RBFOX1: variants seen among roughly 807,000 people sequenced by gnomAD.
The protein encoded by RBFOX1 is RNA binding protein fox-1 homolog 1.
A neutral mutation model predicts 57.7 loss-of-function variants in RBFOX1; 8 were observed. That is an observed-to-expected ratio of 0.14 (90% confidence interval 0.08 to 0.25). The LOEUF is 0.25. Ranked by LOEUF, RBFOX1 falls within the 10% of genes least tolerant of loss-of-function variation. The pLI, the probability that RBFOX1 is intolerant of heterozygous loss-of-function variation, is 1.00. For missense variants in RBFOX1, 611 were observed against 548.5 expected, an observed-to-expected ratio of 1.11 and a Z score of -1.14; for synonymous variants, 326 against 222.4, an observed-to-expected ratio of 1.47 and a Z score of -4.15.
intron 3 of RBFOX1, among the ~76,000 whole-genome samples, chr16:6,738,136 G>C (rs182331483): frequency 1.6e-4 from 24 of 151,114 alleles, no homozygotes; most frequent in African/African-American, 4.1e-4. Flanking sequence ...ATAGGGACCA[G>C]ATGTAACCTC....
chr16:6,456,598 G>A (rs542368351), intron 2 of RBFOX1, among the ~76,000 whole-genome samples: 1 of 152,302 alleles, frequency 6.6e-6, no homozygotes, highest in East Asian at 1.9e-4. Flanking sequence ...TTTCTATTTA[G>A]AAAGATAACT....
At chr16:7,276,104 G>C (rs2095435033) in intron 4 of RBFOX1, among the ~76,000 whole-genome samples, 1 of 152,220 alleles carries the variant, frequency 6.6e-6, no homozygotes, top group African/African-American at 2.4e-5. Context: ...ATGGAAACCA[G>C]ACAAATCAGG....
chr16:7,334,705 G>A (rs779047654), intron 4 of RBFOX1, among the ~76,000 whole-genome samples: 9 of 152,132 alleles, frequency 5.9e-5, no homozygotes, highest in African/African-American at 1.7e-4. Flanking sequence ...CTGTCATTAC[G>A]AAATGCCACT....
intron 3 of RBFOX1, among the ~76,000 whole-genome samples, chr16:6,869,072 C>G (rs992310643): frequency 2.6e-5 from 4 of 152,316 alleles, no homozygotes; most frequent in Non-Finnish European, 4.4e-5. Context: ...ACTTCCATTG[C>G]TATAAGCCAC....
At chr16:5,430,528 G>A (rs1436989735) in intron 1 of RBFOX1, among the ~76,000 whole-genome samples, 3 of 152,264 alleles carry the variant, frequency 2.0e-5, no homozygotes, top group Admixed American at 6.5e-5. Context: ...AACGGAAGGA[G>A]CATCTTGCGG....
intron 4 of RBFOX1, among the ~76,000 whole-genome samples, chr16:7,374,799 GC>G (rs2097653377): frequency 6.6e-6 from 1 of 152,098 alleles, no homozygotes; most frequent in Non-Finnish European, 1.5e-5. Context: ...TAGAGTTACC[GC>G]CATGAGGTTT....
intron 2 of RBFOX1, among the ~76,000 whole-genome samples, chr16:5,523,011 G>C (rs907490315): frequency 1.3e-5 from 2 of 152,150 alleles, no homozygotes; most frequent in Non-Finnish European, 2.9e-5. Flanking sequence ...GTGGGGGCTG[G>C]GCATTGTTAC....
intron 2 of RBFOX1, among the ~76,000 whole-genome samples, chr16:6,320,890 T>G (rs1031167098): frequency 1.3e-5 from 2 of 152,038 alleles, no homozygotes; most frequent in Non-Finnish European, 2.9e-5. Context: ...ACCTCCTGGG[T>G]TCAAGCGATT....
chr16:6,676,906 C>G (rs1017724986), intron 3 of RBFOX1, among the ~76,000 whole-genome samples: 3 of 151,924 alleles, frequency 2.0e-5, no homozygotes, highest in African/African-American at 4.8e-5. Flanking sequence ...GAACCCTTGA[C>G]CTCAGGTGAT....
intron 3 of RBFOX1, among the ~76,000 whole-genome samples, chr16:5,835,630 A>T (rs1217930488): frequency 1.3e-5 from 2 of 152,144 alleles, no homozygotes; most frequent in African/African-American, 4.8e-5. Context: ...TTTCTGCAGG[A>T]TTCTGAAGCA....
At chr16:6,450,779 A>ACACATATATATATG (rs1410405257) in intron 2 of RBFOX1, among the ~76,000 whole-genome samples, 1 of 59,640 alleles carries the variant, frequency 1.7e-5, no homozygotes, top group Non-Finnish European at 2.9e-5. Context: ...ATATATATAT[A>ACACATATATATATG]TATATATATA....
intron 2 of RBFOX1, among the ~76,000 whole-genome samples, chr16:6,360,676 G>C (rs1181499131): frequency 6.6e-6 from 1 of 152,130 alleles, no homozygotes; most frequent in Non-Finnish European, 1.5e-5. Flanking sequence ...AGAATTATCT[G>C]AAATAATCAT....
intron 2 of RBFOX1, among the ~76,000 whole-genome samples, chr16:6,397,114 G>A (rs1309382163): frequency 6.6e-6 from 1 of 152,088 alleles, no homozygotes; most frequent in African/African-American, 2.4e-5. Context: ...GAAAGAGGAA[G>A]GAGAAGATAA....
intron 2 of RBFOX1, among the ~76,000 whole-genome samples, chr16:6,624,681 C>G (rs568909466): frequency 6.9e-4 from 105 of 152,152 alleles, no homozygotes; most frequent in Admixed American, 1.4e-3. Context: ...TTCTTGAGGT[C>G]ACCAGAAACT....
intron 3 of RBFOX1, among the ~76,000 whole-genome samples, chr16:6,780,420 TTATA>T (rs1236604181): frequency 9.1e-6 from 1 of 110,454 alleles, no homozygotes; most frequent in Non-Finnish European, 1.7e-5. Flanking sequence ...TTATATATAT[TTATA>T]TATATTTATA....
chr16:5,932,274 C>A (rs1378307145), intron 4 of RBFOX1, among the ~76,000 whole-genome samples: 2 of 152,154 alleles, frequency 1.3e-5, no homozygotes, highest in African/African-American at 4.8e-5. Context: ...ATGGAAGGGC[C>A]GTGCCCTAAG....
intron 3 of RBFOX1, among the ~76,000 whole-genome samples, chr16:5,781,704 C>G (rs1179923851): frequency 6.6e-6 from 1 of 152,204 alleles, no homozygotes; most frequent in Non-Finnish European, 1.5e-5. Flanking sequence ...GCTAGAATTG[C>G]CCTGTGGGCT....
chr16:5,810,505 A>C (rs1038175573), intron 3 of RBFOX1, among the ~76,000 whole-genome samples: 1 of 152,118 alleles, frequency 6.6e-6, no homozygotes, highest in Non-Finnish European at 1.5e-5. Flanking sequence ...GCAAACTAAT[A>C]CACAGGCGAT....
chr16:6,750,653 T>C (rs1342667114), intron 3 of RBFOX1, among the ~76,000 whole-genome samples: 1 of 152,202 alleles, frequency 6.6e-6, no homozygotes, highest in Non-Finnish European at 1.5e-5. Flanking sequence ...CCTGCAATTA[T>C]GCTGGGACAG....
Sources: gnomAD v4.1 joint callset for allele counts (sites outside exome capture counted in the v4.1 genomes callset) on GRCh38, gnomAD v4.1.1 for gene constraint, MANE v1.5 for transcripts, NCBI Gene and HGNC (gene_info 2026-07-23, HGNC 2026-07-21) for gene names.